XRCC4: variants seen among roughly 807,000 people sequenced by gnomAD.
The protein encoded by XRCC4 is DNA repair protein XRCC4.
XRCC4 carries 28 observed loss-of-function variants against 39.1 expected under a neutral mutation model. That is an observed-to-expected ratio of 0.72 (90% CI 0.53 to 0.98). The LOEUF (loss-of-function observed/expected upper bound fraction) is 0.98. Among genes scored for constraint, XRCC4 ranks in the 50% least tolerant of loss-of-function variants. The pLI is 0.00. For synonymous variants in XRCC4, 123 were observed against 126.4 expected (o/e 0.97, Z 0.18); for missense variants, 350 against 376.4 (o/e 0.93, Z 0.58).
chr5:83,266,238 TAGG>T (rs1753949525), intron 7 of XRCC4, among the ~76,000 whole-genome samples: 1 of 150,860 alleles, frequency 6.6e-6, no homozygotes, highest in African/African-American at 2.4e-5. Flanking sequence ...AAAGGAAAAA[TAGG>T]AGGTATATAT....
chr5:83,165,364 T>C (rs1331862664), intron 3 of XRCC4, among the ~76,000 whole-genome samples: 2 of 152,200 alleles, frequency 1.3e-5, no homozygotes, highest in Non-Finnish European at 2.9e-5. Context: ...ATGAAAAAGA[T>C]ACTGTGGAAC....
intron 7 of XRCC4, among the ~76,000 whole-genome samples, chr5:83,338,415 A>G (rs1255608500): frequency 6.6e-6 from 1 of 152,196 alleles, no homozygotes; most frequent in African/African-American, 2.4e-5. Context: ...TTAATTATGT[A>G]TTGAATTCAT....
At chr5:83,357,121 CA>C (rs1757198451), downstream of XRCC4, among the ~76,000 whole-genome samples, 1 of 152,150 alleles carries the variant, frequency 6.6e-6, no homozygotes, top group African/African-American at 2.4e-5. Context: ...CAGCTATGCA[CA>C]AAATACAGAA....
intron 3 of XRCC4, among the ~76,000 whole-genome samples, chr5:83,192,245 ATAT>A (rs1207655288): frequency 9.4e-4 from 63 of 67,098 alleles, no homozygotes; most frequent in Middle Eastern, 6.9e-3. Flanking sequence ...GTATATGTAC[ATAT>A]TATATATACG....
intron 3 of XRCC4, among the ~76,000 whole-genome samples, chr5:83,195,013 GTTATAATAA>G (rs924685661): frequency 2.6e-4 from 40 of 152,122 alleles, no homozygotes; most frequent in African/African-American, 8.7e-4. Context: ...TTTGTTATCT[GTTATAATAA>G]TTTTAAGGAT....
At chr5:83,308,452 G>A (rs1243495698) in intron 7 of XRCC4, among the ~76,000 whole-genome samples, 2 of 152,022 alleles carry the variant, frequency 1.3e-5, no homozygotes, top group Admixed American at 6.5e-5. Flanking sequence ...ATTTTGGGGG[G>A]AATAGAAATC....
intron 6 of XRCC4, among the ~76,000 whole-genome samples, chr5:83,255,233 A>G (rs1257578399): frequency 1.3e-5 from 2 of 152,138 alleles, no homozygotes; most frequent in African/African-American, 4.8e-5. Context: ...TTTGCCTTTT[A>G]TTGAAGGCTA....
chr5:83,127,199 G>A (rs937004259), intron 3 of XRCC4, among the ~76,000 whole-genome samples: 3 of 152,038 alleles, frequency 2.0e-5, no homozygotes, highest in East Asian at 1.9e-4. Flanking sequence ...GGGGGCTAGG[G>A]GTGGAATACT....
chr5:83,302,682 A>T (rs1015355452), intron 7 of XRCC4, among the ~76,000 whole-genome samples: 1 of 152,214 alleles, frequency 6.6e-6, no homozygotes, highest in Admixed American at 6.5e-5. Context: ...TAGAAAACAA[A>T]GATTTTATTC....
At chr5:83,145,888 T>C (rs1748430656) in intron 3 of XRCC4, among the ~76,000 whole-genome samples, 1 of 151,766 alleles carries the variant, frequency 6.6e-6, no homozygotes, top group Non-Finnish European at 1.5e-5. Flanking sequence ...TATTTTGTGC[T>C]GAGTTTATAA....
intron 1 of XRCC4, among the ~76,000 whole-genome samples, chr5:83,096,857 C>T (rs1372534824): frequency 6.6e-6 from 1 of 152,098 alleles, no homozygotes; most frequent in South Asian, 2.1e-4. Flanking sequence ...GTAATGGCTA[C>T]CACCTTTATA....
intron 3 of XRCC4, among the ~76,000 whole-genome samples, chr5:83,170,663 C>T (rs902335858): frequency 6.6e-6 from 1 of 152,152 alleles, no homozygotes; most frequent in Admixed American, 6.6e-5. Flanking sequence ...GTCTAATTCC[C>T]ACTCCTCATG....
chr5:83,259,264 A>G (rs1293692702), intron 7 of XRCC4: 1 of 152,650 alleles, frequency 6.6e-6, no homozygotes, highest in Non-Finnish European at 1.5e-5. Context: ...GAATATTATC[A>G]GTTTAATCCA....
At chr5:83,322,768 G>A (rs1307778470) in intron 7 of XRCC4, among the ~76,000 whole-genome samples, 2 of 152,160 alleles carry the variant, frequency 1.3e-5, no homozygotes, top group South Asian at 2.1e-4. Flanking sequence ...ACCACAAAAA[G>A]CTGGAAGAGG....
At chr5:83,285,840 G>A (rs1713098634) in intron 7 of XRCC4, among the ~76,000 whole-genome samples, 1 of 152,106 alleles carries the variant, frequency 6.6e-6, no homozygotes, top group Admixed American at 6.6e-5. Context: ...GCGGGGCGGA[G>A]GCATGGTTCA....
intron 7 of XRCC4, among the ~76,000 whole-genome samples, chr5:83,306,716 C>T (rs1227777471): frequency 2.0e-5 from 3 of 152,182 alleles, no homozygotes; most frequent in East Asian, 1.9e-4. Context: ...AGCACTGTCC[C>T]TCCCTGACTC....
intron 3 of XRCC4, among the ~76,000 whole-genome samples, chr5:83,195,298 C>T (rs1021532261): frequency 3.3e-5 from 5 of 152,112 alleles, no homozygotes; most frequent in Non-Finnish European, 5.9e-5. Flanking sequence ...TGTGTAGCTA[C>T]TAGTTTCCTA....
intron 7 of XRCC4, among the ~76,000 whole-genome samples, chr5:83,333,608 T>C (rs1561480174): frequency 6.6e-6 from 1 of 152,110 alleles, no homozygotes; most frequent in Non-Finnish European, 1.5e-5. Context: ...GTGTATAATA[T>C]TTATGAGGTC....
intron 3 of XRCC4, among the ~76,000 whole-genome samples, chr5:83,138,633 ATTATG>A (rs1748017490): frequency 6.6e-6 from 1 of 152,096 alleles, no homozygotes; most frequent in African/African-American, 2.4e-5. Flanking sequence ...ATTAATGCAT[ATTATG>A]TTACTCTGCC....
Sources: allele counts gnomAD v4.1 joint callset (sites outside exome capture counted in the v4.1 genomes callset), GRCh38; gene constraint gnomAD v4.1.1; transcripts MANE v1.5; gene names NCBI Gene and HGNC (gene_info 2026-07-23, HGNC 2026-07-21).